The following PKD2L2 variants were observed in gnomAD, a reference collection of about 807,000 sequenced individuals.
PKD2L2 encodes polycystin-2-like protein 2.
A neutral mutation model predicts 83.9 loss-of-function variants in PKD2L2; 67 were observed. The ratio of observed to expected loss-of-function variants is 0.80; its 90% CI spans 0.66 to 0.98. PKD2L2 has a LOEUF of 0.98. Among genes scored for constraint, PKD2L2 ranks in the 50% least tolerant of loss-of-function variants. The probability of loss-of-function intolerance (pLI) is 0.00; values close to 1 mark genes in which losing one functional copy is unlikely to be tolerated. For synonymous variants in PKD2L2, 223 were observed against 237.8 expected (o/e 0.94, Z 0.57); for missense variants, 632 against 717.2 (o/e 0.88, Z 1.36).
intron 10 of PKD2L2, 59 bp from the exon 11 acceptor site, chr5:137,924,981 A>G: frequency 1.0e-6 from 1 of 999,152 alleles, no homozygotes. Flanking sequence ...CTTTGATAAA[A>G]CATTAATAAT....
At chr5:137,891,954 G>A (rs1756027800) in intron 2 of PKD2L2, among the ~76,000 whole-genome samples, 1 of 152,126 alleles carries the variant, frequency 6.6e-6, no homozygotes, top group South Asian at 2.1e-4. Context: ...CCAAAGTTCT[G>A]GGATTATGGG....
Position 137,906,407 on chromosome 5 carries a change from G to C in PKD2L2, c.948G>C (p.Trp316Cys). 1 of 1,603,878 alleles carries C rather than the reference G, an allele frequency of 6.2e-7. No individual in the cohort carries two copies. The highest frequency in any genetic ancestry group is 8.5e-7 in the Non-Finnish European group (1 of 1,171,996). ...EFKSAYFKSI[W>C]NWLELLLLLL... is the part of the protein sequence containing the mutation. ...AGTCTGCCTATTTCAAAAGTATTTG[G>C]AACTGGCTAGAATTGCTACTTTTGC... Residue 316 changes from tryptophan (W) to cysteine (C), a missense_variant, in exon 6 of 15, where the codon TGG becomes TGC. Around this residue, in one of 3 missense-constraint regions of PKD2L2, gnomAD observed 399 missense variants for 416.9 expected, o/e 0.96. Coordinates refer to ENST00000508883, the MANE Select transcript of PKD2L2 (RefSeq NM_001300921.2).
At chr5:137,928,321 T>A (rs1311633920) in intron 12 of PKD2L2, among the ~76,000 whole-genome samples, 1 of 148,110 alleles carries the variant, frequency 6.8e-6, no homozygotes, top group Admixed American at 6.8e-5. Context: ...GAGGATCACT[T>A]GAGCCCAGTA....
intron 8 of PKD2L2, among the ~76,000 whole-genome samples, chr5:137,916,269 A>G (rs1001117296): frequency 2.0e-5 from 3 of 151,808 alleles, no homozygotes; most frequent in Non-Finnish European, 4.4e-5. Context: ...TCTGACTCCC[A>G]GGTTCAAGCA....
intron 5 of PKD2L2, among the ~76,000 whole-genome samples, chr5:137,900,904 G>A (rs1197633571): frequency 1.3e-5 from 2 of 152,132 alleles, no homozygotes; most frequent in East Asian, 1.9e-4. Flanking sequence ...TTGGGAGGCC[G>A]AGGTGGGAGA....
At position 137,899,386 on chromosome 5, in the gene PKD2L2, G is replaced by A. The variant is rs1388710722; in HGVS notation, c.525-130G>A. 1.1e-5 allele frequency: 7 copies of A among 642,392 alleles called. No individual in the cohort carries two copies. The South Asian group carries it at 1.4e-4, about 13-fold the overall frequency. 39.8% of individuals were successfully genotyped at this position (642,392 alleles called of 1,614,324 possible). On this transcript the variant is annotated intron_variant, in intron 4 of 14. Coordinates refer to ENST00000508883, the MANE Select transcript of PKD2L2 (RefSeq NM_001300921.2). ...CCTACCTCGGCCTCCCAAAGTGTTG[G>A]GATTACAGGCATGAGCCAGCGCACT... is the stretch of plus-strand genomic sequence containing the variant.
At chr5:137,938,371 GT>G (rs1454654683) in intron 14 of PKD2L2, 7 of 152,432 alleles carry the variant, frequency 4.6e-5, no homozygotes, top group Non-Finnish European at 1.0e-4. Context: ...TTTGCATGTG[GT>G]ATATAAAATA....
intron 2 of PKD2L2, 117 bp from the exon 3 acceptor site, chr5:137,892,363 T>G: frequency 2.2e-6 from 1 of 458,174 alleles, no homozygotes; most frequent in Non-Finnish European, 3.6e-6. Context: ...ATTATTACTT[T>G]TATAATTAGA....
chr5:137,904,801 C>T (rs1757235547), intron 5 of PKD2L2, among the ~76,000 whole-genome samples: 1 of 152,170 alleles, frequency 6.6e-6, no homozygotes, highest in Non-Finnish European at 1.5e-5. Flanking sequence ...AGCCATTTTT[C>T]TCTCGTAAGT....
At chr5:137,934,527 G>C (rs1156698696) in intron 12 of PKD2L2, among the ~76,000 whole-genome samples, 2 of 152,160 alleles carry the variant, frequency 1.3e-5, no homozygotes, top group Non-Finnish European at 2.9e-5. Flanking sequence ...GTTCGTTTAA[G>C]GCTGGGCGCG....
At chr5:137,921,848 G>A in intron 9 of PKD2L2, 92 bp downstream of exon 9, 1 of 962,884 alleles carries the variant, frequency 1.0e-6, no homozygotes, top group Non-Finnish European at 1.5e-6. Flanking sequence ...CTGCTCAGCT[G>A]TCAGAGTACT....
chr5:137,934,979 G>A (rs1408504468), intron 12 of PKD2L2, among the ~76,000 whole-genome samples: 5 of 152,224 alleles, frequency 3.3e-5, no homozygotes. Context: ...AGCAACCACA[G>A]AGTGTATGGC....
At chr5:137,937,955 A>G (rs1315376625) in intron 14 of PKD2L2, 1 of 152,074 alleles carries the variant, frequency 6.6e-6, no homozygotes, top group African/African-American at 2.4e-5. Flanking sequence ...TACATTTACA[A>G]TGACTTAGAA....
At chr5:137,901,805 C>T (rs999181455) in intron 5 of PKD2L2, among the ~76,000 whole-genome samples, 21 of 152,076 alleles carry the variant, frequency 1.4e-4, no homozygotes, top group Admixed American at 1.3e-3. Context: ...TGGAAGAGAA[C>T]CCCAACAGAG....
At position 137,889,490 on chromosome 5, in the gene PKD2L2, C is replaced by A; in HGVS notation, c.-2C>A. ...GAACGGGCGGTGTAGTGCAGGTCCG[C>A]CATGGCTGAGGCGTCACGGTGGCAC... On this transcript the variant is annotated 5_prime_UTR_variant, in exon 1 of 15. Coordinates refer to ENST00000508883, the MANE Select transcript of PKD2L2 (RefSeq NM_001300921.2). 1.9e-6 allele frequency: 3 copies of A among 1,570,226 alleles called. No homozygotes were observed. The highest frequency in any genetic ancestry group is 5.1e-5 in the East Asian group (2 of 39,198).
chr5:137,890,683 G>C (rs1447949834), intron 2 of PKD2L2, 101 bp downstream of exon 2: 2 of 546,728 alleles, frequency 3.7e-6, no homozygotes, highest in African/African-American at 4.0e-5. Flanking sequence ...AGGCTGTCAG[G>C]CTACTAAAAC....
At chr5:137,928,467 G>C (rs895910263) in intron 12 of PKD2L2, among the ~76,000 whole-genome samples, 1 of 151,734 alleles carries the variant, frequency 6.6e-6, no homozygotes, top group Non-Finnish European at 1.5e-5. Flanking sequence ...GGTTAGCTCT[G>C]TTGCCCAGCA....
At chr5:137,919,550 T>C (rs968307992) in intron 8 of PKD2L2, among the ~76,000 whole-genome samples, 1 of 150,756 alleles carries the variant, frequency 6.6e-6, no homozygotes, top group Non-Finnish European at 1.5e-5. Context: ...TGAAAGATCA[T>C]GGCAGAAACA....
chr5:137,925,986 A>C (rs1426073692), intron 12 of PKD2L2, 57 bp downstream of exon 12: 4 of 884,558 alleles, frequency 4.5e-6, no homozygotes, highest in Non-Finnish European at 7.3e-6. Flanking sequence ...AAATATGCTC[A>C]CAAAAACGCT....
Sources: allele counts gnomAD v4.1 joint callset (sites outside exome capture counted in the v4.1 genomes callset), GRCh38; gene constraint gnomAD v4.1.1; regional missense constraint gnomAD v4.1.1; transcripts MANE v1.5; gene names NCBI Gene and HGNC (gene_info 2026-07-23, HGNC 2026-07-21).